SLC4A4: variants seen among roughly 807,000 people sequenced by gnomAD.
SLC4A4 encodes the protein electrogenic sodium bicarbonate cotransporter 1.
Under a neutral mutation model 111.5 loss-of-function variants are expected in SLC4A4, and 27 were observed. The observed-to-expected ratio is 0.24, with a 90% confidence interval of 0.18 to 0.33. The LOEUF (loss-of-function observed/expected upper bound fraction) is 0.33, where lower values mean the gene tolerates loss of function less well. Ranked by LOEUF, SLC4A4 falls within the 10% of genes least tolerant of loss-of-function variation. The probability of loss-of-function intolerance (pLI) is 1.00; values close to 1 mark genes in which losing one functional copy is unlikely to be tolerated. For synonymous variants in SLC4A4, 443 were observed against 463.4 expected (o/e 0.96, Z 0.57); for missense variants, 909 against 1,315.5 (o/e 0.69, Z 4.78).
intron 3 of SLC4A4, among the ~76,000 whole-genome samples, chr4:71,305,400 C>A (rs1578795812): frequency 6.6e-6 from 1 of 152,154 alleles, no homozygotes; most frequent in South Asian, 2.1e-4. Context: ...TTTAGCATGG[C>A]CTGACACAGT....
At chr4:71,372,531 A>G (rs1378700176) in intron 6 of SLC4A4, among the ~76,000 whole-genome samples, 2 of 152,204 alleles carry the variant, frequency 1.3e-5, no homozygotes, top group Admixed American at 6.5e-5. Flanking sequence ...TCAGTTTGAC[A>G]TCTAGCAGCC....
chr4:71,257,138 A>G (rs897204145), intron 3 of SLC4A4, among the ~76,000 whole-genome samples: 5 of 152,180 alleles, frequency 3.3e-5, no homozygotes, highest in African/African-American at 1.2e-4. Context: ...ATACTGTTGC[A>G]TTCTGTGGCA....
chr4:71,478,794 A>G (rs1414316305), intron 14 of SLC4A4, among the ~76,000 whole-genome samples: 1 of 151,834 alleles, frequency 6.6e-6, no homozygotes, highest in East Asian at 1.9e-4. Flanking sequence ...AGTAGAATAC[A>G]CACATATACA....
chr4:71,245,742 C>A, intron 2 of SLC4A4, among the ~76,000 whole-genome samples: 1 of 152,052 alleles, frequency 6.6e-6, no homozygotes, highest in Non-Finnish European at 1.5e-5. Flanking sequence ...AGGCATATAG[C>A]TAGCATTTAA....
chr4:71,347,935 A>G (rs957015117), intron 4 of SLC4A4, among the ~76,000 whole-genome samples: 13 of 152,310 alleles, frequency 8.5e-5, no homozygotes, highest in African/African-American at 3.1e-4. Flanking sequence ...TACACTCTTT[A>G]TAGATAGATG....
chr4:71,267,829 C>T (rs914021436), intron 3 of SLC4A4, among the ~76,000 whole-genome samples: 3 of 114,774 alleles, frequency 2.6e-5, no homozygotes, highest in Non-Finnish European at 5.3e-5. Context: ...GAAAACGAAA[C>T]GTACCAATTT....
At chr4:71,401,080 C>T (rs1720314112) in intron 7 of SLC4A4, among the ~76,000 whole-genome samples, 1 of 152,154 alleles carries the variant, frequency 6.6e-6, no homozygotes, top group African/African-American at 2.4e-5. Context: ...TGCCTTGCAA[C>T]TTCCTGGAGC....
At chr4:71,181,382 A>G (rs774601465) in intron 2 of SLC4A4, among the ~76,000 whole-genome samples, 1 of 152,192 alleles carries the variant, frequency 6.6e-6, no homozygotes, top group Non-Finnish European at 1.5e-5. Context: ...TAATTTGTAA[A>G]GTATGAATGA....
At chr4:71,339,234 G>A (rs754526894) in intron 3 of SLC4A4, 136 bp from the exon 4 acceptor site, 1 of 1,614,188 alleles carries the variant, frequency 6.2e-7, no homozygotes, top group Non-Finnish European at 8.5e-7. Context: ...GGATTTGGGA[G>A]GCTTAGCAGG....
chr4:71,468,746 A>T (rs1577977711), intron 13 of SLC4A4, among the ~76,000 whole-genome samples: 3 of 148,232 alleles, frequency 2.0e-5, no homozygotes. Flanking sequence ...AAAAAAAAAA[A>T]CCTCTGTGGT....
intron 18 of SLC4A4, among the ~76,000 whole-genome samples, chr4:71,539,751 C>T (rs1734877153): frequency 6.6e-6 from 1 of 152,086 alleles, no homozygotes; most frequent in African/African-American, 2.4e-5. Flanking sequence ...CTTTTCTTGG[C>T]CAAAATGTTT....
intron 16 of SLC4A4, among the ~76,000 whole-genome samples, chr4:71,501,773 T>C (rs1730954791): frequency 6.6e-6 from 1 of 151,920 alleles, no homozygotes; most frequent in African/African-American, 2.4e-5. Context: ...GCGATTCTCC[T>C]GCCTCAGCCT....
At chr4:71,405,754 A>G (rs1720784214) in intron 7 of SLC4A4, among the ~76,000 whole-genome samples, 1 of 152,200 alleles carries the variant, frequency 6.6e-6, no homozygotes, top group Admixed American at 6.5e-5. Flanking sequence ...GTTTCACTCC[A>G]CTAAAAGCTT....
At chr4:71,234,865 T>C (rs1719696075) in intron 1 of SLC4A4, among the ~76,000 whole-genome samples, 1 of 152,168 alleles carries the variant, frequency 6.6e-6, no homozygotes, top group African/African-American at 2.4e-5. Flanking sequence ...GGCTATTATA[T>C]ACAAGGCCGA....
rs1235721069 is a variant in SLC4A4 at position 71,190,432 on chromosome 4, ACAC to A, written c.-2+3032_-2+3034del. Among the ~76,000 whole-genome samples, 70 of 132,228 alleles carry A rather than the reference ACAC, an allele frequency of 5.3e-4. No individual in the cohort carries two copies. The South Asian group carries it at 8.2e-3, about 15-fold the overall frequency. The allele number at this position is 132,228 out of a possible 152,430, so 86.7% of individuals were successfully genotyped here. A position where few individuals can be genotyped will look rare whatever the true frequency, so the allele number is the denominator to read the frequency against. Reference sequence around the variant, plus strand: ...CACACACACACACACACACACACAGACACAACTCATTTGTAGAGGTGGCTGATT... The same window carrying A: ...CACACACACACACACACACACACAGAAACTCATTTGTAGAGGTGGCTGATT... On this transcript the variant is annotated intron_variant, in intron 1 of 25. Coordinates refer to ENST00000264485, the MANE Select transcript of SLC4A4 (RefSeq NM_001098484.3).
intron 1 of SLC4A4, among the ~76,000 whole-genome samples, chr4:71,233,811 T>C (rs1719609010): frequency 6.6e-6 from 1 of 152,136 alleles, no homozygotes; most frequent in African/African-American, 2.4e-5. Flanking sequence ...CTTGTCCCCT[T>C]ACTGTCCATT....
chr4:71,063,618 C>T (rs146307274), intron 1 of SLC4A4, among the ~76,000 whole-genome samples: 8 of 151,896 alleles, frequency 5.3e-5, no homozygotes, highest in African/African-American at 1.9e-4. Context: ...TAAAGCCAGC[C>T]CTATTTCAAG....
chr4:71,156,829 G>A (rs1032711336), intron 2 of SLC4A4, among the ~76,000 whole-genome samples: 5 of 152,126 alleles, frequency 3.3e-5, no homozygotes, highest in Admixed American at 1.3e-4. Flanking sequence ...ACAATGCTGA[G>A]GTGACGATTC....
At chr4:71,096,793 A>G (rs1396467550) in intron 2 of SLC4A4, among the ~76,000 whole-genome samples, 2 of 152,196 alleles carry the variant, frequency 1.3e-5, no homozygotes, top group Non-Finnish European at 2.9e-5. Context: ...AAGGACTGAA[A>G]TGAGTCCACT....
Sources: allele counts gnomAD v4.1 joint callset (sites outside exome capture counted in the v4.1 genomes callset), GRCh38; gene constraint gnomAD v4.1.1; transcripts MANE v1.5; gene names NCBI Gene and HGNC (gene_info 2026-07-23, HGNC 2026-07-21).